CCBE1: variants seen among roughly 807,000 people sequenced by gnomAD.
CCBE1 encodes the protein collagen and calcium-binding EGF domain-containing protein 1.
CCBE1 carries 37 observed loss-of-function variants against 50.0 expected under a neutral mutation model. That is an observed-to-expected ratio of 0.74 (90% confidence interval 0.57 to 0.97). CCBE1 has a LOEUF of 0.97. Ranked by LOEUF, CCBE1 falls within the 50% of genes least tolerant of loss-of-function variation. The probability of loss-of-function intolerance (pLI) is 0.00; values close to 1 mark genes in which losing one functional copy is unlikely to be tolerated. For synonymous variants in CCBE1, 234 were observed against 203.7 expected, an observed-to-expected ratio of 1.15 and a Z score of -1.27; for missense variants, 538 against 523.8, an observed-to-expected ratio of 1.03 and a Z score of -0.26.
intron 2 of CCBE1, among the ~76,000 whole-genome samples, chr18:59,695,411 T>C (rs1038054904): frequency 2.0e-5 from 3 of 152,122 alleles, no homozygotes; most frequent in African/African-American, 4.8e-5. Context: ...ACTACCTCTC[T>C]CATTTTGTTC....
intron 2 of CCBE1, among the ~76,000 whole-genome samples, chr18:59,658,002 T>G (rs937298679): frequency 5.3e-5 from 8 of 151,652 alleles, no homozygotes; most frequent in Non-Finnish European, 1.5e-5. Context: ...AGGCCAAGAG[T>G]GTGGGCTGAG....
At chr18:59,545,450 A>C (rs1034954961) in intron 2 of CCBE1, among the ~76,000 whole-genome samples, 1 of 152,180 alleles carries the variant, frequency 6.6e-6, no homozygotes, top group Admixed American at 6.5e-5. Context: ...ATATTATTCC[A>C]CTCAAAATAT....
At chr18:59,695,363 G>A (rs939213034) in intron 2 of CCBE1, among the ~76,000 whole-genome samples, 1 of 152,112 alleles carries the variant, frequency 6.6e-6, no homozygotes, top group Non-Finnish European at 1.5e-5. Context: ...GCCTCTTTAA[G>A]TCTTAACCTG....
intron 2 of CCBE1, among the ~76,000 whole-genome samples, chr18:59,636,661 G>C (rs1487215629): frequency 2.0e-5 from 3 of 152,126 alleles, no homozygotes; most frequent in South Asian, 2.1e-4. Flanking sequence ...AAACAAAACA[G>C]AATGTTTACC....
intron 2 of CCBE1, among the ~76,000 whole-genome samples, chr18:59,631,481 G>A (rs146904803): frequency 4.0e-4 from 61 of 152,214 alleles, no homozygotes; most frequent in Non-Finnish European, 6.9e-4. Context: ...GGGATCAATG[G>A]AAACACTCCA....
intron 2 of CCBE1, among the ~76,000 whole-genome samples, chr18:59,569,095 ACT>A (rs2052870132): frequency 1.3e-5 from 2 of 151,512 alleles, no homozygotes; most frequent in African/African-American, 2.4e-5. Flanking sequence ...GTTCGATTCC[ACT>A]CTCTCCTTTT....
intron 5 of CCBE1, among the ~76,000 whole-genome samples, chr18:59,458,854 A>G (rs554061658): frequency 6.6e-6 from 1 of 152,364 alleles, no homozygotes; most frequent in South Asian, 2.1e-4. Flanking sequence ...ACAGTGAACC[A>G]AGATTAACAT....
Position 59,466,823 on chromosome 18 carries a change from AG to A in CCBE1, c.468del (p.Tyr157ThrfsTer37). 6.2e-7 allele frequency: 1 copy of A among 1,613,404 alleles called. No homozygotes were observed. The highest frequency in any genetic ancestry group is 8.5e-7 in the Non-Finnish European group (1 of 1,179,586). ...CAHICINTLGSYRCECREGYI... is the reference protein window; with the variant it reads ...CAHICINTLGXYRCECREGYI... ...TAGCCTTCCCGGCACTCGCAGCGGT[AG>A]CTGCCCAAGGTATTGATGCAGATGT... is the stretch of plus-strand genomic sequence containing the variant. On this transcript the variant is annotated frameshift_variant, in exon 5 of 11. Transcript: ENST00000439986. LOFTEE classifies it high-confidence loss of function.
At position 59,505,874 on chromosome 18, in the gene CCBE1, G is replaced by A. The variant is rs559260985; in HGVS notation, c.213-25636C>T. Among the ~76,000 whole-genome samples, 5 of 152,184 alleles carry A rather than the reference G, an allele frequency of 3.3e-5. No homozygotes were observed. The East Asian group carries it at 7.7e-4, about 24-fold the overall frequency. ...GTCAGAATCTTAAACAGAAATAGAA[G>A]GCACACTAAAATTAGGGTAATTTAA... On this transcript the variant is annotated intron_variant, in intron 2 of 10. Transcript: ENST00000439986.
intron 2 of CCBE1, among the ~76,000 whole-genome samples, chr18:59,554,305 G>A (rs1208131724): frequency 6.6e-6 from 1 of 152,138 alleles, no homozygotes; most frequent in Admixed American, 6.5e-5. Flanking sequence ...TTCTGTCCAG[G>A]TCAAAAGCTT....
At chr18:59,574,216 A>T (rs1469055080) in intron 2 of CCBE1, among the ~76,000 whole-genome samples, 3 of 152,230 alleles carry the variant, frequency 2.0e-5, no homozygotes. Context: ...TCTAGATTAG[A>T]CCACAGTGAT....
intron 2 of CCBE1, among the ~76,000 whole-genome samples, chr18:59,482,386 G>A (rs1014407040): frequency 2.0e-5 from 3 of 152,168 alleles, no homozygotes; most frequent in Non-Finnish European, 2.9e-5. Flanking sequence ...AGATAGTGTG[G>A]CAATTCCTCA....
At chr18:59,514,574 T>G (rs1914281574) in intron 2 of CCBE1, among the ~76,000 whole-genome samples, 1 of 150,202 alleles carries the variant, frequency 6.7e-6, no homozygotes, top group Non-Finnish European at 1.5e-5. Context: ...GTTTGTTTTC[T>G]ATGGAATACA....
At chr18:59,611,288 A>G (rs1701929029) in intron 2 of CCBE1, among the ~76,000 whole-genome samples, 1 of 152,270 alleles carries the variant, frequency 6.6e-6, no homozygotes. Context: ...AAAAGAAAGG[A>G]AAGGCCTCCT....
chr18:59,686,507 G>A (rs1279685063), intron 2 of CCBE1, among the ~76,000 whole-genome samples: 2 of 152,194 alleles, frequency 1.3e-5, no homozygotes, highest in Non-Finnish European at 2.9e-5. Context: ...ATAAAGACAA[G>A]CTAGAACAGC....
rs201400214 is a variant in CCBE1, at chr18:59,441,362, T to C, written c.776-1546A>G. ...CCATCTCTACTAAAAATACAAAAATTAGTCAGGTGTGGTGGTGGGTACCTG... is the reference window on the plus strand; with the variant it reads ...CCATCTCTACTAAAAATACAAAAATCAGTCAGGTGTGGTGGTGGGTACCTG... On this transcript the variant is annotated intron_variant, in intron 7 of 10. Coordinates refer to ENST00000439986, the MANE Select transcript of CCBE1 (RefSeq NM_133459.4). Among the ~76,000 whole-genome samples the C allele has an allele frequency of 5.3e-5, 8 of 151,856 alleles. No homozygotes were observed. In the East Asian group the frequency reaches 1.6e-3, roughly 29 times the overall value.
chr18:59,635,332 G>C (rs1394140831), intron 2 of CCBE1, among the ~76,000 whole-genome samples: 3 of 151,454 alleles, frequency 2.0e-5, no homozygotes, highest in Non-Finnish European at 4.4e-5. Context: ...AGTACAAACA[G>C]TATGTCACCA....
chr18:59,540,052 A>C (rs1006722475), intron 2 of CCBE1, among the ~76,000 whole-genome samples: 4 of 152,234 alleles, frequency 2.6e-5, no homozygotes, highest in African/African-American at 9.6e-5. Context: ...TCTTGGACCC[A>C]TAAAATTTTG....
intron 6 of CCBE1, among the ~76,000 whole-genome samples, chr18:59,449,309 T>C (rs1598909211): frequency 6.6e-6 from 1 of 152,086 alleles, no homozygotes; most frequent in African/African-American, 2.4e-5. Context: ...GTCCAGCCAT[T>C]GTCATAGACC....
Sources: allele counts gnomAD v4.1 joint callset (sites outside exome capture counted in the v4.1 genomes callset), GRCh38; gene constraint gnomAD v4.1.1; transcripts MANE v1.5; gene names NCBI Gene and HGNC (gene_info 2026-07-23, HGNC 2026-07-21).